LRRTM4: variants seen among roughly 807,000 people sequenced by gnomAD.
LRRTM4 encodes the protein leucine-rich repeat transmembrane neuronal protein 4.
In LRRTM4, 25 loss-of-function variants were observed where a neutral mutation model predicts 47.6. That is an observed-to-expected ratio of 0.53 (90% confidence interval 0.38 to 0.73). The LOEUF (loss-of-function observed/expected upper bound fraction) is 0.73. LRRTM4 is among the 30% of genes least tolerant of loss of function. LRRTM4 has a pLI of 0.00. For missense variants in LRRTM4, 638 were observed against 713.4 expected, an observed-to-expected ratio of 0.89 and a Z score of 1.20; for synonymous variants, 311 against 269.5, an observed-to-expected ratio of 1.15 and a Z score of -1.51.
chr2:77,019,579 C>T (rs1558801301), intron 3 of LRRTM4, among the ~76,000 whole-genome samples: 1 of 152,112 alleles, frequency 6.6e-6, no homozygotes, highest in Non-Finnish European at 1.5e-5. Flanking sequence ...ATACCTGGCA[C>T]ACAGTAATTG....
intron 3 of LRRTM4, among the ~76,000 whole-genome samples, chr2:77,393,608 T>C (rs1441359313): frequency 6.6e-6 from 1 of 152,024 alleles, no homozygotes; most frequent in African/African-American, 2.4e-5. Flanking sequence ...TGGCAAGATT[T>C]TAGCAGACAA....
intron 3 of LRRTM4, among the ~76,000 whole-genome samples, chr2:77,305,233 G>T (rs1383695309): frequency 6.6e-6 from 1 of 151,766 alleles, no homozygotes; most frequent in African/African-American, 2.4e-5. Flanking sequence ...TTGATATACA[G>T]AAATTAATTT....
At chr2:77,235,402 G>GT (rs1205525194) in intron 3 of LRRTM4, among the ~76,000 whole-genome samples, 1 of 151,916 alleles carries the variant, frequency 6.6e-6, no homozygotes, top group East Asian at 1.9e-4. Flanking sequence ...TTGTTAATTT[G>GT]TTTCAGTGCC....
At chr2:77,145,776 AAAATAAATAAAT>A (rs71381266) in intron 3 of LRRTM4, among the ~76,000 whole-genome samples, 14 of 148,076 alleles carry the variant, frequency 9.5e-5, no homozygotes, top group South Asian at 4.2e-4. Flanking sequence ...TCCGTCTCAA[AAAATAAATAAAT>A]AAATAAATAA....
At chr2:77,278,628 G>A (rs1313181515) in intron 3 of LRRTM4, among the ~76,000 whole-genome samples, 2 of 151,928 alleles carry the variant, frequency 1.3e-5, no homozygotes, top group Non-Finnish European at 1.5e-5. Context: ...GACTTTCAAG[G>A]CATGGTTAAG....
chr2:77,065,427 T>C (rs538828081), intron 3 of LRRTM4, among the ~76,000 whole-genome samples: 2 of 152,338 alleles, frequency 1.3e-5, no homozygotes, highest in African/African-American at 2.4e-5. Context: ...CTGCTCTTTA[T>C]TGACCTTTTT....
chr2:76,981,860 A>G (rs906661978), intron 3 of LRRTM4, among the ~76,000 whole-genome samples: 7 of 151,782 alleles, frequency 4.6e-5, no homozygotes, highest in Admixed American at 3.3e-4. Flanking sequence ...AACATACAAT[A>G]TGAGTTTTGT....
rs572168585 is a variant in LRRTM4 at position 77,504,125 on chromosome 2, C to T, written c.1551+14193G>A. On this transcript the variant is annotated intron_variant, in intron 3 of 3. Transcript: ENST00000409884. ...TCTCTTCCTTTCTTGAGTGGTAATA[C>T]TCAAGTATGTTTAAAAGCCTATAAA... Among the ~76,000 whole-genome samples, 4 of 151,548 alleles carry T rather than the reference C, an allele frequency of 2.6e-5. No homozygotes were observed. In the Admixed American group the frequency reaches 2.6e-4, roughly 10 times the overall value.
At chr2:76,962,072 A>C (rs1573373522) in intron 3 of LRRTM4, among the ~76,000 whole-genome samples, 1 of 151,354 alleles carries the variant, frequency 6.6e-6, no homozygotes, top group African/African-American at 2.4e-5. Context: ...CTAAGCCCTT[A>C]TAGAGTCTCT....
At chr2:77,178,500 C>T (rs988228635) in intron 3 of LRRTM4, among the ~76,000 whole-genome samples, 3 of 151,952 alleles carry the variant, frequency 2.0e-5, no homozygotes, top group African/African-American at 4.8e-5. Flanking sequence ...GCAGGAGAAT[C>T]GCTTGAACGC....
chr2:77,059,417 C>A (rs1162723780), intron 3 of LRRTM4, among the ~76,000 whole-genome samples: 1 of 151,746 alleles, frequency 6.6e-6, no homozygotes. Flanking sequence ...GATATTAGAA[C>A]CAAATAACAA....
intron 3 of LRRTM4, among the ~76,000 whole-genome samples, chr2:76,783,203 C>T (rs1276497089): frequency 6.6e-6 from 1 of 152,130 alleles, no homozygotes; most frequent in Non-Finnish European, 1.5e-5. Flanking sequence ...ACCATGACTC[C>T]TACCCCATAG....
chr2:77,476,231 A>G (rs953542456), intron 3 of LRRTM4, among the ~76,000 whole-genome samples: 1 of 148,572 alleles, frequency 6.7e-6, no homozygotes, highest in African/African-American at 2.4e-5. Context: ...TAGTTGTCTT[A>G]TAAGTGCTAT....
chr2:77,286,567 T>A (rs1453131352), intron 3 of LRRTM4, among the ~76,000 whole-genome samples: 1 of 151,674 alleles, frequency 6.6e-6, no homozygotes, highest in African/African-American at 2.4e-5. Context: ...TGGCAGTTTT[T>A]TCTTCACTAA....
intron 3 of LRRTM4, among the ~76,000 whole-genome samples, chr2:77,463,337 A>C (rs1456016184): frequency 6.6e-6 from 1 of 152,112 alleles, no homozygotes; most frequent in Non-Finnish European, 1.5e-5. Context: ...CATGATTGTA[A>C]ATAACAAAAC....
chr2:76,774,712 C>T (rs887441230), intron 3 of LRRTM4, among the ~76,000 whole-genome samples: 2 of 152,118 alleles, frequency 1.3e-5, no homozygotes, highest in African/African-American at 2.4e-5. Context: ...AGGCACATTC[C>T]GTGTAACTTT....
chr2:76,936,703 C>T (rs1192318347), intron 3 of LRRTM4, among the ~76,000 whole-genome samples: 2 of 151,206 alleles, frequency 1.3e-5, no homozygotes, highest in Admixed American at 6.6e-5. Context: ...GCCTCTAATC[C>T]CAGCACTTTG....
chr2:77,159,669 T>C (rs557363762), intron 3 of LRRTM4, among the ~76,000 whole-genome samples: 1 of 152,094 alleles, frequency 6.6e-6, no homozygotes, highest in South Asian at 2.1e-4. Context: ...ATAGGAGGGT[T>C]TGGTCTTGCA....
rs188520289 is a variant in LRRTM4, at chr2:77,060,770, C to T, written c.1552-311854G>A. On this transcript the variant is annotated intron_variant, in intron 3 of 3. Transcript: ENST00000409884. ...GTATCTTAAGATGCAACCTATGTCT[C>T]TTTTTTTTCAAAATGAGGAAAATAT... Among the ~76,000 whole-genome samples the T allele has an allele frequency of 3.1e-3, 472 of 151,634 alleles. 1 individual carries two copies. The highest frequency in any genetic ancestry group is 4.6e-3 in the Non-Finnish European group (315 of 67,858).
Sources: gnomAD v4.1 joint callset for allele counts (sites outside exome capture counted in the v4.1 genomes callset) on GRCh38, gnomAD v4.1.1 for gene constraint, MANE v1.5 for transcripts, NCBI Gene and HGNC (gene_info 2026-07-23, HGNC 2026-07-21) for gene names.